AAK1: variants seen among roughly 807,000 people sequenced by gnomAD.
AAK1 encodes the protein AP2-associated protein kinase 1.
In AAK1, 37 loss-of-function variants were observed where a neutral mutation model predicts 116.0. The observed-to-expected ratio is 0.32, with a 90% CI of 0.25 to 0.42. The LOEUF (loss-of-function observed/expected upper bound fraction) is 0.42, where lower values mean the gene tolerates loss of function less well. Among genes scored for constraint, AAK1 ranks in the 10% least tolerant of loss-of-function variants. The probability of loss-of-function intolerance (pLI) is 1.00; values close to 1 mark genes in which losing one functional copy is unlikely to be tolerated. For synonymous variants in AAK1, 458 were observed against 439.9 expected (o/e 1.04, Z -0.51); for missense variants, 919 against 1,170.6 (o/e 0.79, Z 3.14).
chr2:69,505,431 A>G, intron 16 of AAK1, 138 bp downstream of exon 16: 1 of 433,296 alleles, frequency 2.3e-6, no homozygotes, highest in Non-Finnish European at 3.9e-6. Flanking sequence ...TAAATAGACC[A>G]TGAAAAACAT....
At chr2:69,557,868 T>C (rs1202568972) in intron 2 of AAK1, among the ~76,000 whole-genome samples, 1 of 152,136 alleles carries the variant, frequency 6.6e-6, no homozygotes, top group East Asian at 1.9e-4. Context: ...AATTCGAATC[T>C]AGAAACAGAC....
intron 2 of AAK1, among the ~76,000 whole-genome samples, chr2:69,571,555 AT>A (rs1672095863): frequency 6.6e-6 from 1 of 152,180 alleles, no homozygotes; most frequent in Admixed American, 6.5e-5. Flanking sequence ...TTGCACCAAT[AT>A]GTCTGTAGAA....
rs528053003 is a variant in AAK1, at chr2:69,639,251, G to A, written c.163+3627C>T. ...GTTTAAAGCTTAGATATAAGTCCTCGTATAGCTAAGGAAGTATGATAAAAG... is the reference window on the plus strand; with the variant it reads ...GTTTAAAGCTTAGATATAAGTCCTCATATAGCTAAGGAAGTATGATAAAAG... On this transcript the variant is annotated intron_variant, in intron 2 of 21. Transcript: ENST00000409085. 2.6e-5 allele frequency among the ~76,000 whole-genome samples: 4 copies of A among 152,242 alleles called. No homozygotes were observed. In the South Asian group the frequency reaches 8.3e-4, roughly 32 times the overall value.
intron 2 of AAK1, among the ~76,000 whole-genome samples, chr2:69,627,962 G>C (rs6712370): frequency 0.26 from 39,230 of 152,080 alleles, 5,625 homozygotes; most frequent in East Asian, 0.54. Context: ...ACTTAAGCCA[G>C]TAGCCCAAGA....
At chr2:69,641,055 G>A (rs553197944) in intron 2 of AAK1, among the ~76,000 whole-genome samples, 4 of 152,310 alleles carry the variant, frequency 2.6e-5, no homozygotes, top group East Asian at 1.9e-4. Context: ...ATCACAATAC[G>A]TGATGCGCAG....
intron 12 of AAK1, among the ~76,000 whole-genome samples, chr2:69,516,585 G>A (rs946114957): frequency 6.6e-6 from 1 of 152,044 alleles, no homozygotes; most frequent in Non-Finnish European, 1.5e-5. Context: ...CAAGTTGAGG[G>A]CAGCATGATC....
rs1674305707 is a variant in AAK1 at position 69,460,191 on chromosome 2, C to T, written c.*15678G>A. 1 of 152,566 alleles carries T rather than the reference C, an allele frequency of 6.6e-6. No individual in the cohort carries two copies. The highest frequency in any genetic ancestry group is 6.6e-5 in the Admixed American group (1 of 15,266). The allele number at this position is 152,566 out of a possible 1,614,324, so 9.5% of individuals were successfully genotyped here. On this transcript the variant is annotated 3_prime_UTR_variant, in exon 22 of 22. Coordinates refer to ENST00000409085, the MANE Select transcript of AAK1 (RefSeq NM_014911.5). The stretch of plus-strand genomic sequence containing the variant: ...TCGACTGGCACGTGTTCTCCAATTT[C>T]AGTTCCAAACACACAACACAGAATC...
intron 2 of AAK1, among the ~76,000 whole-genome samples, chr2:69,609,924 C>G (rs1673994995): frequency 6.6e-6 from 1 of 151,536 alleles, no homozygotes; most frequent in Admixed American, 6.6e-5. Flanking sequence ...GTGGCGGGCA[C>G]CTGTAGTCCC....
At chr2:69,618,288 T>C (rs938863804) in intron 2 of AAK1, among the ~76,000 whole-genome samples, 9 of 151,886 alleles carry the variant, frequency 5.9e-5, no homozygotes, top group South Asian at 2.1e-4. Context: ...GTAAAATACA[T>C]GCAAAATAAA....
intron 2 of AAK1, among the ~76,000 whole-genome samples, chr2:69,591,674 G>A (rs986226015): frequency 1.3e-5 from 2 of 151,776 alleles, no homozygotes; most frequent in African/African-American, 4.8e-5. Context: ...AGGTTCAGGC[G>A]ATTCTCCTGC....
In AAK1 at chr2:69,553,563, C is replaced by G. The variant is rs1671270873; in HGVS notation, c.282+3297G>C. On this transcript the variant is annotated intron_variant, in intron 3 of 21. Transcript: ENST00000409085. ...GGTTCAAGCGATTCTCCTGCCTCAG[C>G]TTCCTGAATAGCTGGGATTACAGGC... 2.0e-5 allele frequency among the ~76,000 whole-genome samples: 3 copies of G among 147,990 alleles called. No homozygotes were observed. The South Asian group carries it at 6.5e-4, about 32-fold the overall frequency.
At chr2:69,547,329 A>G (rs1670969077) in intron 3 of AAK1, among the ~76,000 whole-genome samples, 1 of 152,158 alleles carries the variant, frequency 6.6e-6, no homozygotes, top group Admixed American at 6.5e-5. Context: ...AAAACAACAT[A>G]TGGAATGGAA....
At chr2:69,548,509 CTCTT>C (rs1214799997) in intron 3 of AAK1, among the ~76,000 whole-genome samples, 4 of 146,718 alleles carry the variant, frequency 2.7e-5, no homozygotes, top group Non-Finnish European at 6.0e-5. Context: ...CTTCCTTTCT[CTCTT>C]TCTTCCTTCC....
chr2:69,567,837 C>T (rs1671940219), intron 2 of AAK1, among the ~76,000 whole-genome samples: 1 of 152,140 alleles, frequency 6.6e-6, no homozygotes, highest in Non-Finnish European at 1.5e-5. Flanking sequence ...AAATACTTGT[C>T]CTACACACTA....
At chr2:69,518,248 C>T (rs1320406280) in intron 12 of AAK1, among the ~76,000 whole-genome samples, 3 of 152,010 alleles carry the variant, frequency 2.0e-5, no homozygotes, top group Admixed American at 2.0e-4. Context: ...GTATTGGATA[C>T]TGATTCAAAC....
At chr2:69,639,519 TG>T (rs1205175942) in intron 2 of AAK1, among the ~76,000 whole-genome samples, 4 of 152,178 alleles carry the variant, frequency 2.6e-5, no homozygotes, top group Non-Finnish European at 4.4e-5. Flanking sequence ...AAACAGCCCC[TG>T]CTGGACTAGT....
chr2:69,491,455 A>G (rs186385770), intron 17 of AAK1, among the ~76,000 whole-genome samples: 3 of 152,310 alleles, frequency 2.0e-5, no homozygotes, highest in Admixed American at 2.0e-4. Flanking sequence ...TTTGTTTTAT[A>G]GTGCTTTGAA....
intron 2 of AAK1, among the ~76,000 whole-genome samples, chr2:69,587,461 G>GTGTA (rs1364039234): frequency 1.9e-4 from 26 of 137,802 alleles, no homozygotes; most frequent in African/African-American, 7.6e-4. Flanking sequence ...ATATGTGTGT[G>GTGTA]TATATATATA....
chr2:69,641,721 A>G (rs1371278987), intron 2 of AAK1, among the ~76,000 whole-genome samples: 1 of 152,166 alleles, frequency 6.6e-6, no homozygotes, highest in Non-Finnish European at 1.5e-5. Context: ...TCCCAGGCCC[A>G]GGTCAGGACC....
Sources: gnomAD v4.1 joint callset for allele counts (sites outside exome capture counted in the v4.1 genomes callset) on GRCh38, gnomAD v4.1.1 for gene constraint, MANE v1.5 for transcripts, NCBI Gene and HGNC (gene_info 2026-07-23, HGNC 2026-07-21) for gene names.